Variants in SLIT3 observed in about 807,000 individuals in gnomAD.
SLIT3 encodes the protein slit guidance ligand 3.
A neutral mutation model predicts 184.0 loss-of-function variants in SLIT3; 68 were observed. The ratio of observed to expected loss-of-function variants is 0.37; its 90% CI spans 0.30 to 0.45. SLIT3 has a LOEUF of 0.45. Ranked by LOEUF, SLIT3 falls within the 20% of genes least tolerant of loss-of-function variation. The pLI, the probability that SLIT3 is intolerant of heterozygous loss-of-function variation, is 1.00. For missense variants in SLIT3, 1,707 were observed against 2,026.0 expected (o/e 0.84, Z 3.02); for synonymous variants, 831 against 828.6 (o/e 1.00, Z -0.05).
chr5:168,915,096 A>G (rs1447921711), intron 4 of SLIT3, among the ~76,000 whole-genome samples: 1 of 152,228 alleles, frequency 6.6e-6, no homozygotes, highest in Non-Finnish European at 1.5e-5. Flanking sequence ...GAAACTTGAT[A>G]GTTAAAAGGG....
chr5:168,951,058 A>G (rs1762636171), intron 4 of SLIT3, among the ~76,000 whole-genome samples: 1 of 152,142 alleles, frequency 6.6e-6, no homozygotes, highest in Non-Finnish European at 1.5e-5. Flanking sequence ...CATCTCTACT[A>G]AAAATATGAA....
chr5:168,706,198 G>A (rs1762367333), intron 26 of SLIT3, among the ~76,000 whole-genome samples: 1 of 152,198 alleles, frequency 6.6e-6, no homozygotes, highest in Admixed American at 6.5e-5. Context: ...GCAGCAGTAT[G>A]CCAGCTTATT....
In SLIT3 at chr5:169,213,432, T is replaced by C. The variant is rs569928519; in HGVS notation, c.342-19882A>G. Among the ~76,000 whole-genome samples, 52 of 152,286 alleles carry C rather than the reference T, an allele frequency of 3.4e-4. No homozygotes were observed. In the South Asian group the frequency reaches 0.01, roughly 30 times the overall value. ...TTCACAGAATTGGAAAAAACTACTTTAAACTTCATATAGAACCAAAAAAGA... is the reference window on the plus strand; with the variant it reads ...TTCACAGAATTGGAAAAAACTACTTCAAACTTCATATAGAACCAAAAAAGA... On this transcript the variant is annotated intron_variant, in intron 3 of 35. Coordinates refer to ENST00000519560, the MANE Select transcript of SLIT3 (RefSeq NM_003062.4).
At chr5:168,980,816 G>T (rs1170110596) in intron 4 of SLIT3, among the ~76,000 whole-genome samples, 2 of 152,162 alleles carry the variant, frequency 1.3e-5, no homozygotes, top group Non-Finnish European at 2.9e-5. Flanking sequence ...AGAATACCAT[G>T]CAAGTATTCA....
intron 4 of SLIT3, among the ~76,000 whole-genome samples, chr5:169,192,423 C>CTG (rs3038088): frequency 0.23 from 33,811 of 148,122 alleles, 3,974 homozygotes; most frequent in Middle Eastern, 0.36. Flanking sequence ...TATATAGTCT[C>CTG]TGTGTGTGTG....
intron 4 of SLIT3, among the ~76,000 whole-genome samples, chr5:168,966,503 C>T (rs1763200007): frequency 6.6e-6 from 1 of 152,122 alleles, no homozygotes; most frequent in Non-Finnish European, 1.5e-5. Context: ...TGGTATGCTA[C>T]CATGGGACTG....
At chr5:169,212,470 GTTTT>G (rs201569179) in intron 3 of SLIT3, among the ~76,000 whole-genome samples, 18 of 78,646 alleles carry the variant, frequency 2.3e-4, no homozygotes, top group Middle Eastern at 0.011. Context: ...GGGGTTGTAT[GTTTT>G]TTTTTCTTGT....
chr5:168,694,914 C>T (rs1026470368), intron 28 of SLIT3, among the ~76,000 whole-genome samples: 4 of 152,212 alleles, frequency 2.6e-5, no homozygotes, highest in Non-Finnish European at 4.4e-5. Flanking sequence ...CCACTGCATC[C>T]GCCCCCACAG....
chr5:168,679,733 CT>C (rs1321798462), intron 32 of SLIT3, among the ~76,000 whole-genome samples: 1 of 152,172 alleles, frequency 6.6e-6, no homozygotes, highest in Non-Finnish European at 1.5e-5. Context: ...CCCCCTACTC[CT>C]GTAGCACAGC....
chr5:169,057,233 G>A (rs920480938), intron 4 of SLIT3, among the ~76,000 whole-genome samples: 2 of 152,178 alleles, frequency 1.3e-5, no homozygotes, highest in African/African-American at 4.8e-5. Context: ...GGAAAAGCAT[G>A]CTCTTCTGAA....
chr5:169,122,660 A>G (rs1469969468), intron 4 of SLIT3, among the ~76,000 whole-genome samples: 1 of 152,274 alleles, frequency 6.6e-6, no homozygotes, highest in East Asian at 1.9e-4. Flanking sequence ...CCTTTATTTT[A>G]GGTTACCGGT....
chr5:169,220,922 C>T (rs1219111219), intron 3 of SLIT3, among the ~76,000 whole-genome samples: 6 of 152,144 alleles, frequency 3.9e-5, no homozygotes, highest in Non-Finnish European at 8.8e-5. Context: ...CTGTACCAGC[C>T]CCTTCTGGCA....
chr5:168,997,236 T>G (rs1181923828), intron 4 of SLIT3, among the ~76,000 whole-genome samples: 5 of 152,120 alleles, frequency 3.3e-5, no homozygotes, highest in Non-Finnish European at 2.9e-5. Context: ...AAAGCTGGGC[T>G]CAGAGGCTCC....
At chr5:168,962,672 C>T (rs1200201102) in intron 4 of SLIT3, among the ~76,000 whole-genome samples, 1 of 152,208 alleles carries the variant, frequency 6.6e-6, no homozygotes, top group Admixed American at 6.5e-5. Flanking sequence ...CCTGAGCTGG[C>T]GCTCTTATGA....
chr5:168,775,383 A>C (rs1755708152), intron 12 of SLIT3, among the ~76,000 whole-genome samples: 2 of 151,802 alleles, frequency 1.3e-5, no homozygotes, highest in African/African-American at 4.8e-5. Flanking sequence ...TTTCCCTAGG[A>C]CCTTTGAACA....
intron 4 of SLIT3, among the ~76,000 whole-genome samples, chr5:169,121,397 C>T (rs1359011160): frequency 6.6e-6 from 1 of 152,134 alleles, no homozygotes; most frequent in Non-Finnish European, 1.5e-5. Flanking sequence ...CAAAAAGAAC[C>T]CGCCCCTGCA....
intron 4 of SLIT3, among the ~76,000 whole-genome samples, chr5:169,150,223 T>C (rs969882176): frequency 2.6e-5 from 4 of 152,154 alleles, no homozygotes; most frequent in Admixed American, 6.5e-5. Flanking sequence ...ACCCCTAATA[T>C]CCTGTTGTAG....
chr5:168,701,588 G>A (rs1762214045), intron 26 of SLIT3, among the ~76,000 whole-genome samples: 1 of 152,228 alleles, frequency 6.6e-6, no homozygotes. Flanking sequence ...GGTGGAGACT[G>A]AGCTCCATGA....
intron 11 of SLIT3, 103 bp downstream of exon 11, chr5:168,789,457 C>A: frequency 2.4e-6 from 2 of 824,210 alleles, no homozygotes; most frequent in Admixed American, 2.2e-5. Context: ...TGTAAGGGAA[C>A]ATAAAGTCTT....
Sources: allele counts gnomAD v4.1 joint callset (sites outside exome capture counted in the v4.1 genomes callset), GRCh38; gene constraint gnomAD v4.1.1; transcripts MANE v1.5; gene names NCBI Gene and HGNC (gene_info 2026-07-23, HGNC 2026-07-21).